The following KCNJ14 variants were observed in gnomAD, a reference collection of about 807,000 sequenced individuals.
KCNJ14 encodes the protein potassium inwardly rectifying channel subfamily J member 14, also known as ATP-sensitive inward rectifier potassium channel 14.
Under a neutral mutation model 24.5 loss-of-function variants are expected in KCNJ14, and 18 were observed. That is an observed-to-expected ratio of 0.74 (90% CI 0.51 to 1.09). The LOEUF (loss-of-function observed/expected upper bound fraction) is 1.09. Ranked by LOEUF, KCNJ14 falls within the 50% of genes least tolerant of loss-of-function variation. The pLI is 0.00. For synonymous variants in KCNJ14, 288 were observed against 270.8 expected, an observed-to-expected ratio of 1.06 and a Z score of -0.63; for missense variants, 633 against 623.0, an observed-to-expected ratio of 1.02 and a Z score of -0.17.
At position 48,464,515 on chromosome 19, in the gene KCNJ14, A is replaced by G. The variant is rs766016101; in HGVS notation, c.1049A>G (p.His350Arg). 3.1e-6 allele frequency: 5 copies of G among 1,614,152 alleles called. No homozygotes were observed. The highest frequency in any genetic ancestry group is 2.2e-5 in the East Asian group (1 of 44,888). Residue 350 changes from histidine to arginine, a missense_variant, in exon 3 of 3, where the codon CAT (histidine) becomes CGT (arginine). Coordinates refer to ENST00000342291, the MANE Select transcript of KCNJ14 (RefSeq NM_013348.4). The stretch of plus-strand genomic sequence containing the variant: ...TATGAGGTCGACTATCGCCACTTCC[A>G]TCGCACTTATGAGGTCCCAGGGACA... ...SQYEVDYRHFHRTYEVPGTPV... is the reference protein window; with the variant it reads ...SQYEVDYRHFRRTYEVPGTPV...
intron 1 of KCNJ14, among the ~76,000 whole-genome samples, chr19:48,458,310 G>A (rs1971558470): frequency 6.6e-6 from 1 of 152,172 alleles, no homozygotes; most frequent in Non-Finnish European, 1.5e-5. Context: ...CCACAGCAGT[G>A]TATGAGGATG....
In KCNJ14 at chr19:48,464,470, T is replaced by C. The variant is rs769622863; in HGVS notation, c.1004T>C (p.Leu335Pro). Residue 335 changes from leucine to proline, a missense_variant, in exon 3 of 3, where the codon CTC (leucine) becomes CCC (proline). Transcript: ENST00000342291. Reference sequence around the variant, plus strand: ...TGGGGCCATCGTTTTGAGCCAGTTCTCTTCCAGCGTGGCTCCCAGTATGAG... The same window carrying C: ...TGGGGCCATCGTTTTGAGCCAGTTCCCTTCCAGCGTGGCTCCCAGTATGAG... ...LLWGHRFEPV[L>P]FQRGSQYEVD... The C allele has an allele frequency of 1.6e-5, 26 of 1,613,958 alleles. No individual in the cohort carries two copies. Among genetic ancestry groups the C allele is most frequent in the Non-Finnish European group, 2.2e-5 (26 of 1,180,002 alleles).
chr19:48,457,015 A>C (rs1158137103), intron 1 of KCNJ14: 1 of 140,512 alleles, frequency 7.1e-6, no homozygotes, highest in Non-Finnish European at 1.5e-5. Context: ...TTTCTTTAAG[A>C]GATAGGGTCT....
At chr19:48,459,311 TATATAGTCTAG>T (rs1442558072) in intron 1 of KCNJ14, among the ~76,000 whole-genome samples, 2 of 152,072 alleles carry the variant, frequency 1.3e-5, no homozygotes, top group East Asian at 1.9e-4. Flanking sequence ...AAGGGCTCTT[TATATAGTCTAG>T]ATACAAGTTC....
intron 2 of KCNJ14, among the ~76,000 whole-genome samples, 169 bp from the exon 3 acceptor site, chr19:48,464,012 A>C: frequency 6.8e-6 from 1 of 147,176 alleles, no homozygotes; most frequent in Non-Finnish European, 1.5e-5. Context: ...TGCCTCTCTG[A>C]CTTCCTCTCT....
At chr19:48,458,466 T>G (rs143109926) in intron 1 of KCNJ14, among the ~76,000 whole-genome samples, 1 of 152,352 alleles carries the variant, frequency 6.6e-6, no homozygotes, top group African/African-American at 2.4e-5. Context: ...TTATGAGCCA[T>G]TTGTATACCT....
At position 48,461,708 on chromosome 19, in the gene KCNJ14, G is replaced by A; in HGVS notation, c.-17G>A. ...CCTGCCCCCCACTAGGCCAAGTGGA[G>A]GGGGTCCCTCCGTCCAATGGGCCTG... On this transcript the variant is annotated 5_prime_UTR_variant, in exon 2 of 3. Transcript: ENST00000342291. 7.2e-7 allele frequency: 1 copy of A among 1,389,908 alleles called. No homozygotes were observed. Among genetic ancestry groups the A allele is most frequent in the Non-Finnish European group, 9.3e-7 (1 of 1,077,720 alleles). The allele number at this position is 1,389,908 out of a possible 1,614,324, so 86.1% of individuals were successfully genotyped here.
intron 1 of KCNJ14, chr19:48,456,793 C>G (rs947077769): frequency 6.6e-6 from 1 of 152,030 alleles, no homozygotes; most frequent in African/African-American, 2.4e-5. Flanking sequence ...TTCCTTTGGT[C>G]CACCCTGACA....
chr19:48,458,689 C>T (rs767014737), intron 1 of KCNJ14, among the ~76,000 whole-genome samples: 18 of 152,092 alleles, frequency 1.2e-4, no homozygotes, highest in Non-Finnish European at 2.4e-4. Flanking sequence ...GGATTACAGG[C>T]GTGAGCTGCT....
Position 48,455,635 on chromosome 19 carries a change from C to G in KCNJ14, c.-279C>G, listed in dbSNP as rs1459650796. The G allele has an allele frequency of 1.3e-5, 2 of 152,172 alleles. No individual in the cohort carries two copies. Among genetic ancestry groups the G allele is most frequent in the East Asian group, 3.9e-4 (2 of 5,190 alleles). The allele number at this position is 152,172 out of a possible 1,614,324, so 9.4% of individuals were successfully genotyped here. ...CGCAGATGGCCCCCTGGTGAAGGTT[C>G]CCGTTGGCTTTGGGAAGTAGACAAC... On this transcript the variant is annotated 5_prime_UTR_variant, in exon 1 of 3. Transcript: ENST00000342291.
intron 1 of KCNJ14, among the ~76,000 whole-genome samples, chr19:48,458,450 A>C (rs149121967): frequency 1.7e-3 from 253 of 152,236 alleles, no homozygotes; most frequent in African/African-American, 5.9e-3. Flanking sequence ...GCATCTTTTC[A>C]TATGTTTATG....
chr19:48,461,550 A>AAAAAAAAAAAAAAAAAAAAAG lies in KCNJ14; in HGVS notation c.-55-120_-55-119insAAAAAAAAAAAAAAAAAAAAG, dbSNP rs370425889. On this transcript the variant is annotated intron_variant, in intron 1 of 2. Coordinates refer to ENST00000342291, the MANE Select transcript of KCNJ14 (RefSeq NM_013348.4). Reference sequence around the variant, plus strand: ...CTCCAAAAAAAAAAAAAAAAAAAAAATGCGTATCGTTCCACCTATTTGACA... The same window carrying AAAAAAAAAAAAAAAAAAAAAG: ...CTCCAAAAAAAAAAAAAAAAAAAAAAAAAAAAAAAAAAAAAAAAAAGTGCGTATCGTTCCACCTATTTGACA... 58 of 351,494 alleles carry AAAAAAAAAAAAAAAAAAAAAG rather than the reference A, an allele frequency of 1.7e-4. 7 individuals are homozygous for AAAAAAAAAAAAAAAAAAAAAG. The highest frequency in any genetic ancestry group is 8.7e-4 in the Middle Eastern group (1 of 1,144). 21.8% of individuals were successfully genotyped at this position (351,494 alleles called of 1,614,324 possible).
intron 1 of KCNJ14, chr19:48,456,168 G>A (rs1219125425): frequency 1.3e-5 from 2 of 152,250 alleles, no homozygotes; most frequent in Non-Finnish European, 1.5e-5. Flanking sequence ...CCCAGGCTGG[G>A]GCCTGGGGAG....
Position 48,461,864 on chromosome 19 carries a change from G to C in KCNJ14, c.140G>C (p.Arg47Pro), listed in dbSNP as rs751117592. 2.6e-6 allele frequency: 4 copies of C among 1,568,372 alleles called. No individual in the cohort carries two copies. Among genetic ancestry groups the C allele is most frequent in the East Asian group, 2.3e-5 (1 of 43,090 alleles). Reference protein sequence around the residue: ...APAPVQSPVGRRRGRFVKKDG... With the variant: ...APAPVQSPVGPRRGRFVKKDG... ...GCACCGGTGCAGTCACCCGTGGGCCGGCGCCGCGGTCGCTTCGTCAAGAAA... is the reference window on the plus strand; with the variant it reads ...GCACCGGTGCAGTCACCCGTGGGCCCGCGCCGCGGTCGCTTCGTCAAGAAA... The change falls in exon 2 of 3, where the codon CGG (arginine) becomes CCG (proline). Residue 47 changes from arginine to proline, a missense_variant. Transcript: ENST00000342291.
At position 48,462,244 on chromosome 19, in the gene KCNJ14, T is replaced by C. The variant is rs1938593568; in HGVS notation, c.520T>C (p.Cys174Arg). Residue 174 changes from cysteine (C) to arginine (R), a missense_variant, in exon 2 of 3, where the codon TGC (cysteine) becomes CGC (arginine). Physicochemically the swap from Cys to Arg is radical, Grantham distance 180 (BLOSUM62 -3). Coordinates refer to ENST00000342291, the MANE Select transcript of KCNJ14 (RefSeq NM_013348.4). The surrounding 1 kb of genome is among the most constrained non-coding windows in gnomAD (Gnocchi z 4.9). The part of the protein sequence containing the change: ...AAVVLQCIAG[C>R]VLDAFVVGAV... Reference sequence around the variant, plus strand: ...CGTGGTGCTGCAGTGCATTGCCGGCTGCGTGCTCGACGCCTTCGTCGTGGG... The same window carrying C: ...CGTGGTGCTGCAGTGCATTGCCGGCCGCGTGCTCGACGCCTTCGTCGTGGG... The C allele has an allele frequency of 5.8e-6, 9 of 1,548,342 alleles. No individual in the cohort carries two copies. Among genetic ancestry groups the C allele is most frequent in the Non-Finnish European group, 7.9e-6 (9 of 1,145,020 alleles).
chr19:48,457,956 G>T (rs1971556235), intron 1 of KCNJ14, among the ~76,000 whole-genome samples: 1 of 152,092 alleles, frequency 6.6e-6, no homozygotes, highest in Non-Finnish European at 1.5e-5. Flanking sequence ...AAAGTCCTGG[G>T]ATTACAGGTG....
intron 2 of KCNJ14, among the ~76,000 whole-genome samples, 167 bp from the exon 3 acceptor site, chr19:48,464,014 T>A (rs191691601): frequency 6.6e-6 from 1 of 152,172 alleles, no homozygotes; most frequent in Non-Finnish European, 1.5e-5. Flanking sequence ...CCTCTCTGAC[T>A]TCCTCTCTCT....
intron 1 of KCNJ14, among the ~76,000 whole-genome samples, chr19:48,457,500 T>TA (rs1418846989): frequency 6.6e-6 from 1 of 152,152 alleles, no homozygotes; most frequent in East Asian, 1.9e-4. Context: ...TTCCCCACCT[T>TA]ACAATGGAGG....
chr19:48,463,430 A>G (rs150479284), intron 2 of KCNJ14, among the ~76,000 whole-genome samples: 228 of 152,280 alleles, frequency 1.5e-3, no homozygotes, highest in Non-Finnish European at 2.9e-3. Context: ...TAGGAGGGAC[A>G]CTGGCTCTTG....
Sources: allele counts gnomAD v4.1 joint callset (sites outside exome capture counted in the v4.1 genomes callset), GRCh38; gene constraint gnomAD v4.1.1; non-coding constraint Gnocchi (gnomAD v3.1); transcripts MANE v1.5; gene names NCBI Gene and HGNC (gene_info 2026-07-23, HGNC 2026-07-21).